CAPN5: variants seen among roughly 807,000 people sequenced by gnomAD.
CAPN5 encodes calpain-5.
In CAPN5, 54 loss-of-function variants were observed where a neutral mutation model predicts 73.0. The observed-to-expected ratio is 0.74, with a 90% CI of 0.59 to 0.93. The LOEUF (loss-of-function observed/expected upper bound fraction) is 0.93, where lower values mean the gene tolerates loss of function less well. CAPN5 is among the 40% of genes least tolerant of loss of function. CAPN5 has a pLI of 0.00. For synonymous variants in CAPN5, 335 were observed against 356.9 expected (o/e 0.94, Z 0.69); for missense variants, 785 against 882.9 (o/e 0.89, Z 1.41).
chr11:77,098,337 C>A lies in CAPN5; in HGVS notation c.297+4524C>A, dbSNP rs1950238118. Among the ~76,000 whole-genome samples the A allele has an allele frequency of 7.7e-5, 8 of 104,572 alleles. No individual in the cohort carries two copies. In the South Asian group the frequency reaches 2.1e-3, roughly 28 times the overall value. The allele number at this position is 104,572 out of a possible 152,430, so 68.6% of individuals were successfully genotyped here. A position where few individuals can be genotyped will look rare whatever the true frequency, so the allele number is the denominator to read the frequency against. On this transcript the variant is annotated intron_variant, in intron 3 of 12. Coordinates refer to ENST00000648180, the MANE Select transcript of CAPN5 (RefSeq NM_004055.5). ...TGGCCGGGCGGGGGGCTGACCCCCC[C>A]ACCTCCCTCCGGGACGGGGCAGCTG... is the stretch of plus-strand genomic sequence containing the variant.
chr11:77,079,442 C>T (rs1555034325), intron 1 of CAPN5, among the ~76,000 whole-genome samples: 2 of 152,080 alleles, frequency 1.3e-5, no homozygotes, highest in Non-Finnish European at 2.9e-5. Flanking sequence ...AAGATCCATC[C>T]ATAGGGTTGT....
chr11:77,092,560 G>GCTGAGC (rs1950158644), intron 2 of CAPN5, among the ~76,000 whole-genome samples: 1 of 152,252 alleles, frequency 6.6e-6, no homozygotes. Context: ...ATTAGGAAGG[G>GCTGAGC]CTGAGCCTGA....
intron 4 of CAPN5, among the ~76,000 whole-genome samples, chr11:77,113,296 G>A (rs572849084): frequency 1.4e-3 from 220 of 152,326 alleles, no homozygotes; most frequent in African/African-American, 3.6e-3. Flanking sequence ...TCTGCTCCGT[G>A]CCTTCTGCTT....
intron 3 of CAPN5, among the ~76,000 whole-genome samples, chr11:77,101,877 G>A (rs980189025): frequency 2.6e-5 from 4 of 152,182 alleles, no homozygotes; most frequent in Non-Finnish European, 2.9e-5. Flanking sequence ...ATTCTTCCTC[G>A]GCCCCTGGGG....
intron 3 of CAPN5, among the ~76,000 whole-genome samples, chr11:77,106,820 T>G (rs1313224193): frequency 6.6e-6 from 1 of 152,220 alleles, no homozygotes; most frequent in African/African-American, 2.4e-5. Context: ...CCTAGGCCAG[T>G]GCCGATGGCA....
chr11:77,074,052 G>A (rs1949940908), intron 1 of CAPN5, among the ~76,000 whole-genome samples: 1 of 152,264 alleles, frequency 6.6e-6, no homozygotes, highest in South Asian at 2.1e-4. Flanking sequence ...CATGCTTTAA[G>A]CATCTTATTA....
intron 3 of CAPN5, among the ~76,000 whole-genome samples, chr11:77,110,881 C>T (rs569235798): frequency 1.2e-4 from 18 of 152,270 alleles, no homozygotes; most frequent in African/African-American, 4.3e-4. Flanking sequence ...TGAGTGCCGG[C>T]CTCCTGGTGT....
chr11:77,098,425 G>C (rs1950239764), intron 3 of CAPN5, among the ~76,000 whole-genome samples: 1 of 104,016 alleles, frequency 9.6e-6, no homozygotes, highest in African/African-American at 4.0e-5. Context: ...GGGCAGAGGG[G>C]CTCCTCACTT....
rs553436374 is a variant in CAPN5, at chr11:77,109,045, C to G, written c.298-3544C>G. On this transcript the variant is annotated intron_variant, in intron 3 of 12. Transcript: ENST00000648180. ...TTCTCTGTCCCCTGCGTTTCTGTAA[C>G]CTGGGACTTAGCTCCAGAAGCTCAT... Among the ~76,000 whole-genome samples the G allele has an allele frequency of 2.0e-5, 3 of 152,260 alleles. No homozygotes were observed. In the East Asian group the frequency reaches 5.8e-4, roughly 29 times the overall value.
intron 6 of CAPN5, among the ~76,000 whole-genome samples, chr11:77,115,975 C>T (rs1462821055): frequency 2.0e-5 from 3 of 152,104 alleles, no homozygotes; most frequent in Admixed American, 6.5e-5. Flanking sequence ...CCCCCCTTCC[C>T]CCCAGTCTGC....
chr11:77,118,503 A>C (rs1950490844), intron 8 of CAPN5, 151 bp downstream of exon 8: 1 of 646,784 alleles, frequency 1.5e-6, no homozygotes, highest in African/African-American at 1.8e-5. Context: ...TTAGATGGGC[A>C]CATCCGTCCC....
At chr11:77,122,982 C>T (rs1950538828) in intron 12 of CAPN5, among the ~76,000 whole-genome samples, 3 of 152,254 alleles carry the variant, frequency 2.0e-5, no homozygotes, top group African/African-American at 7.2e-5. Context: ...TCTCTGCTGA[C>T]CTCACCCTCA....
rs145769268 is a variant in CAPN5 at position 77,108,294 on chromosome 11, G to A, written c.298-4295G>A. Among the ~76,000 whole-genome samples the A allele has an allele frequency of 2.2e-3, 330 of 152,328 alleles. 2 individuals are homozygous for A. Among genetic ancestry groups the A allele is most frequent in the African/African-American group, 7.5e-3 (313 of 41,558 alleles). The stretch of plus-strand genomic sequence containing the variant: ...TGGGCAGGGAAAAGAGAGCCATGCT[G>A]GGGTGCCAGGAAAGGGGCTGCCTGA... On this transcript the variant is annotated intron_variant, in intron 3 of 12. Transcript: ENST00000648180.
intron 3 of CAPN5, among the ~76,000 whole-genome samples, chr11:77,105,525 T>C (rs73493642): frequency 0.084 from 12,774 of 152,224 alleles, 729 homozygotes; most frequent in African/African-American, 0.16. Context: ...CGAGTCTCCC[T>C]GCCTTGCAGG....
At chr11:77,085,539 C>T (rs919151345) in intron 2 of CAPN5, among the ~76,000 whole-genome samples, 19 of 152,086 alleles carry the variant, frequency 1.2e-4, no homozygotes, top group African/African-American at 4.3e-4. Context: ...TAGTACCTAC[C>T]TCATAGAGTG....
chr11:77,079,849 G>A (rs1950011900), intron 1 of CAPN5, among the ~76,000 whole-genome samples: 1 of 151,750 alleles, frequency 6.6e-6, no homozygotes, highest in African/African-American at 2.4e-5. Flanking sequence ...ATTCTAGTGG[G>A]GGTATAGCAG....
chr11:77,075,500 AG>A (rs1949960070), intron 1 of CAPN5, among the ~76,000 whole-genome samples: 1 of 152,166 alleles, frequency 6.6e-6, no homozygotes, highest in Admixed American at 6.5e-5. Flanking sequence ...GACAAAGGCT[AG>A]TGCTCGGACC....
chr11:77,079,807 G>C (rs1194935787), intron 1 of CAPN5, among the ~76,000 whole-genome samples: 1 of 151,030 alleles, frequency 6.6e-6, no homozygotes, highest in Non-Finnish European at 1.5e-5. Flanking sequence ...GTGTGTGTGT[G>C]TGTGTGTCTG....
intron 2 of CAPN5, among the ~76,000 whole-genome samples, chr11:77,085,846 T>C (rs1343889055): frequency 3.9e-5 from 6 of 152,110 alleles, no homozygotes; most frequent in Non-Finnish European, 7.4e-5. Flanking sequence ...AGGAGGTTAC[T>C]CTCCCTGGCC....
Sources: gnomAD v4.1 joint callset for allele counts (sites outside exome capture counted in the v4.1 genomes callset) on GRCh38, gnomAD v4.1.1 for gene constraint, MANE v1.5 for transcripts, NCBI Gene and HGNC (gene_info 2026-07-23, HGNC 2026-07-21) for gene names.